The following OLFM1 variants were observed in gnomAD, a reference collection of about 807,000 sequenced individuals.
OLFM1 encodes the protein olfactomedin 1.
OLFM1 carries 9 observed loss-of-function variants against 49.7 expected under a neutral mutation model. The ratio of observed to expected loss-of-function variants is 0.18; its 90% CI spans 0.11 to 0.32. The LOEUF is 0.32. OLFM1 is among the 10% of genes least tolerant of loss of function. The pLI is 1.00. For missense variants in OLFM1, 369 were observed against 661.8 expected (o/e 0.56, Z 4.85); for synonymous variants, 240 against 271.8 (o/e 0.88, Z 1.15).
upstream of OLFM1, chr9:135,087,386 C>A (rs1342147423): frequency 5.8e-6 from 9 of 1,546,850 alleles, no homozygotes; most frequent in South Asian, 1.2e-5. Context: ...GGGAGAAGCC[C>A]CGGGACGGGA....
chr9:135,101,871 T>TGAGGG (rs1300396636), intron 4 of OLFM1, among the ~76,000 whole-genome samples: 1 of 152,146 alleles, frequency 6.6e-6, no homozygotes, highest in Non-Finnish European at 1.5e-5. Flanking sequence ...AAATGAGGGG[T>TGAGGG]GAGGGGGCCA....
In OLFM1 at chr9:135,117,839, C is replaced by A. The variant is rs1202208493; in HGVS notation, c.784-1665C>A. ...TGCTAGATTCTTTCTTCAAACTGGG[C>A]CTGTGTGTCCCATCCCAAATTCCCA... On this transcript the variant is annotated intron_variant, in intron 5 of 5. Transcript: ENST00000371793. The surrounding 1 kb of genome is among the most constrained non-coding windows in gnomAD (Gnocchi z 5.5). Among the ~76,000 whole-genome samples the A allele has an allele frequency of 4.6e-5, 7 of 152,236 alleles. No homozygotes were observed. The highest frequency in any genetic ancestry group is 1.0e-4 in the Non-Finnish European group (7 of 68,046).
chr9:135,084,408 CTGTCTCTCT>C (rs1156570775), upstream of OLFM1, among the ~76,000 whole-genome samples: 2 of 150,288 alleles, frequency 1.3e-5, no homozygotes, highest in African/African-American at 4.9e-5. This position sits in a 1 kb window ranked among gnomAD's most constrained non-coding sequence, Gnocchi z 4.6. Context: ...TCTCTCCTCT[CTGTCTCTCT>C]TCTGTCTCTC....
intron 1 of OLFM1, chr9:135,076,143 G>C (rs1457237354): frequency 6.5e-7 from 1 of 1,549,716 alleles, no homozygotes; most frequent in Non-Finnish European, 8.7e-7. Context: ...GGAGGGGGAA[G>C]AGTGAGAGCC....
chr9:135,075,533 T>C (rs1018714301), exon 1 of OLFM1: 1 of 224,646 alleles, frequency 4.5e-6, no homozygotes, highest in Admixed American at 6.5e-5. Context: ...ACGCGATAAA[T>C]ATGCAGAGCG....
rs145823718 is a variant in OLFM1, at chr9:135,095,515, CA to C, written c.301-333del. Among the ~76,000 whole-genome samples, 390 of 119,274 alleles carry C rather than the reference CA, an allele frequency of 3.3e-3. 6 individuals are homozygous for C. Among genetic ancestry groups the C allele is most frequent in the Admixed American group, 0.026 (307 of 11,900 alleles). The allele number at this position is 119,274 out of a possible 152,430, so 78.2% of individuals were successfully genotyped here. A position where few individuals can be genotyped will look rare whatever the true frequency, so the allele number is the denominator to read the frequency against. ...AGGAACAATCCCCACCCACCACTAC[CA>C]AAAAAAAAAAAAAAAGAGAGAGAGA... On this transcript the variant is annotated intron_variant, in intron 2 of 5. Transcript: ENST00000371793.
chr9:135,109,567 G>T (rs998205169), intron 5 of OLFM1, among the ~76,000 whole-genome samples: 2 of 152,112 alleles, frequency 1.3e-5, no homozygotes, highest in Non-Finnish European at 2.9e-5. Flanking sequence ...CAAGCCATAC[G>T]CTCAGCACAG....
In OLFM1 at chr9:135,113,826, G is replaced by A. The variant is rs1376893168; in HGVS notation, c.784-5678G>A. 1.3e-5 allele frequency among the ~76,000 whole-genome samples: 2 copies of A among 152,216 alleles called. No homozygotes were observed. The highest frequency in any genetic ancestry group is 2.9e-5 in the Non-Finnish European group (2 of 68,028). On this transcript the variant is annotated intron_variant, in intron 5 of 5. Transcript: ENST00000371793. The surrounding 1 kb of genome is among the most constrained non-coding windows in gnomAD (Gnocchi z 4.0). The stretch of plus-strand genomic sequence containing the variant: ...GCCCAAGAGGTGCCCTGTGGCTGCT[G>A]CAGGAGCTCCCACAGCCTGGGGGGC...
chr9:135,085,497 T>C (rs903180368), upstream of OLFM1, among the ~76,000 whole-genome samples: 4 of 152,256 alleles, frequency 2.6e-5, no homozygotes, highest in African/African-American at 9.6e-5. Flanking sequence ...GTGGAGTCAA[T>C]GCCACCACAC....
Position 135,087,995 on chromosome 9 carries a change from G to A in OLFM1, c.6G>A (p.Ser2=). 1.4e-6 allele frequency: 2 copies of A among 1,447,548 alleles called. No homozygotes were observed. Among genetic ancestry groups the A allele is most frequent in the Non-Finnish European group, 9.2e-7 (1 of 1,090,768 alleles). The allele number at this position is 1,447,548 out of a possible 1,614,324, so 89.7% of individuals were successfully genotyped here. A position where few individuals can be genotyped will look rare whatever the true frequency, so the allele number is the denominator to read the frequency against. The change falls in exon 1 of 6, where the codon TCG becomes TCA. Residue 2 remains serine (S), a synonymous_variant. Coordinates refer to ENST00000371793, the MANE Select transcript of OLFM1 (RefSeq NM_001282611.2). M[S]VPLLKIGVVL... ...TGGAGGCAGCTCGAGGCGCGATGTC[G>A]GTGCCGCTGCTCAAGATCGGGGTCG...
chr9:135,095,739 A>C (rs1230846687), intron 2 of OLFM1, 125 bp from the exon 3 acceptor site: 5 of 964,086 alleles, frequency 5.2e-6, no homozygotes, highest in Non-Finnish European at 8.0e-6. Flanking sequence ...TAAATAATGC[A>C]TGGGCCACTT....
chr9:135,086,850 A>G, upstream of OLFM1: 1 of 385,654 alleles, frequency 2.6e-6, no homozygotes, highest in Non-Finnish European at 5.2e-6. Context: ...CCCCCAACCC[A>G]CACCCCTCCA....
chr9:135,118,794 T>TGTCTTTGGAGTGCTCGCCGG (rs1831138683), intron 5 of OLFM1, among the ~76,000 whole-genome samples: 3 of 87,538 alleles, frequency 3.4e-5, no homozygotes, highest in South Asian at 7.9e-4. Context: ...GTGCTCGCCG[T>TGTCTTTGGAGTGCTCGCCGG]GTCTTTGGAG....
intron 1 of OLFM1, chr9:135,076,556 GTC>G (rs1830468787): frequency 3.6e-6 from 4 of 1,118,276 alleles, no homozygotes; most frequent in Non-Finnish European, 4.9e-6. Context: ...GAGAAGGGCT[GTC>G]TGTGAGCGCC....
At chr9:135,115,035 C>T (rs966054158) in intron 5 of OLFM1, among the ~76,000 whole-genome samples, 1 of 152,208 alleles carries the variant, frequency 6.6e-6, no homozygotes, top group African/African-American at 2.4e-5. Context: ...CCTGCAAATG[C>T]GTCTGCCCTA....
chr9:135,086,431 G>GC (rs1830597232), upstream of OLFM1: 1 of 363,704 alleles, frequency 2.7e-6, no homozygotes, highest in Non-Finnish European at 5.4e-6. Flanking sequence ...AGAGAGAAAA[G>GC]CCCCAGGAAG....
intron 2 of OLFM1, among the ~76,000 whole-genome samples, chr9:135,092,473 G>C (rs941765572): frequency 2.6e-5 from 4 of 152,188 alleles, no homozygotes; most frequent in Admixed American, 6.5e-5. Flanking sequence ...ATTAAAGTAA[G>C]ATACATTTAA....
At chr9:135,079,583 C>T (rs543154789) in intron 1 of OLFM1, among the ~76,000 whole-genome samples, 64 of 152,068 alleles carry the variant, frequency 4.2e-4, no homozygotes, top group South Asian at 1.2e-3. Context: ...CCAGCCTGGG[C>T]GACAGAGCGA....
chr9:135,087,143 C>G (rs1348148358), upstream of OLFM1: 2 of 1,208,490 alleles, frequency 1.7e-6, no homozygotes, highest in African/African-American at 3.2e-5. Context: ...GCCTTTAGCT[C>G]TCCACCGATG....
Sources: allele counts gnomAD v4.1 joint callset (sites outside exome capture counted in the v4.1 genomes callset), GRCh38; gene constraint gnomAD v4.1.1; non-coding constraint Gnocchi (gnomAD v3.1); transcripts MANE v1.5; gene names NCBI Gene and HGNC (gene_info 2026-07-23, HGNC 2026-07-21).